RYR2: variants seen among roughly 807,000 people sequenced by gnomAD.
The protein encoded by RYR2 is cardiac muscle ryanodine receptor-calcium release channel.
Under a neutral mutation model 601.1 loss-of-function variants are expected in RYR2, and 227 were observed. That is an observed-to-expected ratio of 0.38 (90% CI 0.34 to 0.42). The LOEUF (loss-of-function observed/expected upper bound fraction) is 0.42. RYR2 is among the 10% of genes least tolerant of loss of function. The pLI is 1.00. For missense variants in RYR2, 4,646 were observed against 6,156.5 expected (o/e 0.75, Z 8.21); for synonymous variants, 2,223 against 2,175.1 (o/e 1.02, Z -0.61).
At chr1:237,808,664 A>AAC (rs1413207687) in intron 99 of RYR2, among the ~76,000 whole-genome samples, 207 of 150,672 alleles carry the variant, frequency 1.4e-3, no homozygotes, top group African/African-American at 4.7e-3. Flanking sequence ...CAAAAAAAAA[A>AAC]AAAACAAAAT....
At chr1:237,682,131 A>G (rs1420519022) in intron 62 of RYR2, among the ~76,000 whole-genome samples, 1 of 152,156 alleles carries the variant, frequency 6.6e-6, no homozygotes, top group Non-Finnish European at 1.5e-5. Context: ...AGCCCATACT[A>G]TGCATATATC....
intron 25 of RYR2, among the ~76,000 whole-genome samples, chr1:237,531,254 G>A (rs1668112421): frequency 6.6e-6 from 1 of 152,146 alleles, no homozygotes. Flanking sequence ...GTAGATAGAT[G>A]CTGTAGTACT....
intron 37 of RYR2, among the ~76,000 whole-genome samples, chr1:237,616,217 G>T (rs1214826666): frequency 9.2e-5 from 14 of 152,100 alleles, no homozygotes; most frequent in Non-Finnish European, 1.8e-4. Context: ...TGACACAGAG[G>T]GTTTTAAGGT....
At chr1:237,481,571 G>A (rs981364507) in intron 17 of RYR2, among the ~76,000 whole-genome samples, 2 of 152,058 alleles carry the variant, frequency 1.3e-5, no homozygotes, top group Non-Finnish European at 2.9e-5. Context: ...CAAGCTAGAC[G>A]TTTCTATAGT....
intron 2 of RYR2, among the ~76,000 whole-genome samples, chr1:237,321,055 T>C (rs1695584553): frequency 6.6e-6 from 1 of 152,084 alleles, no homozygotes; most frequent in Admixed American, 6.6e-5. Context: ...GATATGACCT[T>C]GTGGAAGGCA....
intron 1 of RYR2, among the ~76,000 whole-genome samples, chr1:237,172,385 G>A (rs1294575533): frequency 6.6e-6 from 1 of 152,156 alleles, no homozygotes; most frequent in Non-Finnish European, 1.5e-5. Flanking sequence ...TAAGAGGCCA[G>A]AGGTGAGATC....
intron 1 of RYR2, among the ~76,000 whole-genome samples, chr1:237,176,398 C>T (rs1461017690): frequency 6.6e-6 from 1 of 151,094 alleles, no homozygotes; most frequent in African/African-American, 2.4e-5. Context: ...CAACTGACAG[C>T]ACTTCCTAAT....
At chr1:237,469,518 CA>C (rs1206615265) in intron 17 of RYR2, among the ~76,000 whole-genome samples, 2 of 152,086 alleles carry the variant, frequency 1.3e-5, no homozygotes, top group African/African-American at 4.8e-5. Flanking sequence ...CTTGAAAAAT[CA>C]TTAGTATTTT....
rs188452545 is a variant in RYR2, at chr1:237,588,220, T to G, written c.3599-1573T>G. 3.3e-3 allele frequency among the ~76,000 whole-genome samples: 509 copies of G among 152,294 alleles called. 1 individual carries two copies. Among genetic ancestry groups the G allele is most frequent in the Non-Finnish European group, 5.6e-3 (378 of 68,020 alleles). On this transcript the variant is annotated intron_variant, in intron 29 of 104. Coordinates refer to ENST00000366574, the MANE Select transcript of RYR2 (RefSeq NM_001035.3). ...GTTCTTTTTTCCTGGTTGGTGGCAC[T>G]GTTATACAGCTATTCATATGACTAT...
intron 10 of RYR2, among the ~76,000 whole-genome samples, chr1:237,392,396 T>C (rs1702459727): frequency 6.6e-6 from 1 of 151,942 alleles, no homozygotes; most frequent in African/African-American, 2.4e-5. Context: ...GTGATTATTA[T>C]GCATAGTATG....
intron 10 of RYR2, among the ~76,000 whole-genome samples, chr1:237,402,992 C>T (rs1055751498): frequency 1.4e-5 from 2 of 146,590 alleles, no homozygotes; most frequent in Non-Finnish European, 3.0e-5. Context: ...GATGGTCTAT[C>T]CTACATGCAT....
chr1:237,736,700 C>T (rs1375069893), intron 79 of RYR2, among the ~76,000 whole-genome samples: 2 of 152,028 alleles, frequency 1.3e-5, no homozygotes, highest in Non-Finnish European at 2.9e-5. Context: ...AAAGAGACAT[C>T]GTGGCAATTG....
At chr1:237,113,073 C>T (rs935335368) in intron 1 of RYR2, among the ~76,000 whole-genome samples, 33 of 152,158 alleles carry the variant, frequency 2.2e-4, no homozygotes, top group Non-Finnish European at 1.6e-4. Context: ...GAACAAAACC[C>T]AGCTCTTTAG....
chr1:237,099,387 A>G (rs1430346523), intron 1 of RYR2, among the ~76,000 whole-genome samples: 1 of 151,960 alleles, frequency 6.6e-6, no homozygotes, highest in African/African-American at 2.4e-5. Context: ...ATAAGTGCAC[A>G]CCACCATGCC....
At chr1:237,503,586 C>T in intron 22 of RYR2, 81 bp downstream of exon 22, 1 of 1,357,512 alleles carries the variant, frequency 7.4e-7, no homozygotes, top group Non-Finnish European at 1.0e-6. Flanking sequence ...GACCACAACC[C>T]ATAGGAACGA....
chr1:237,630,920 A>G (rs1208259963), intron 41 of RYR2, among the ~76,000 whole-genome samples: 2 of 152,180 alleles, frequency 1.3e-5, no homozygotes, highest in Non-Finnish European at 2.9e-5. Flanking sequence ...CCTTTTAAGT[A>G]TTTGTCAGAA....
intron 10 of RYR2, among the ~76,000 whole-genome samples, chr1:237,411,270 A>G (rs982208615): frequency 1.3e-4 from 20 of 152,104 alleles, no homozygotes; most frequent in African/African-American, 4.6e-4. Context: ...AGTATAAAAT[A>G]ATGTGTTTAT....
chr1:237,110,249 T>C (rs1316839944), intron 1 of RYR2, among the ~76,000 whole-genome samples: 1 of 144,622 alleles, frequency 6.9e-6, no homozygotes, highest in Admixed American at 7.3e-5. Flanking sequence ...GGGTCTGAGG[T>C]GGGGCCTGAA....
At chr1:237,202,055 G>A (rs1195722639) in intron 1 of RYR2, among the ~76,000 whole-genome samples, 4 of 152,164 alleles carry the variant, frequency 2.6e-5, no homozygotes, top group African/African-American at 7.2e-5. Context: ...TAGGGCTGGG[G>A]TAGACAGAAA....
Sources: allele counts gnomAD v4.1 joint callset (sites outside exome capture counted in the v4.1 genomes callset), GRCh38; gene constraint gnomAD v4.1.1; transcripts MANE v1.5; gene names NCBI Gene and HGNC (gene_info 2026-07-23, HGNC 2026-07-21).